Variants in ST6GALNAC5 observed in about 807,000 individuals in gnomAD.
ST6GALNAC5 encodes the protein alpha-N-acetylgalactosaminide alpha-2,6-sialyltransferase 5.
A neutral mutation model predicts 33.6 loss-of-function variants in ST6GALNAC5; 27 were observed. That is an observed-to-expected ratio of 0.80 (90% CI 0.59 to 1.11). The LOEUF (loss-of-function observed/expected upper bound fraction) is 1.11. ST6GALNAC5 is among the 50% of genes least tolerant of loss of function. The pLI is 0.00. For missense variants in ST6GALNAC5, 428 were observed against 454.0 expected, an observed-to-expected ratio of 0.94 and a Z score of 0.52; for synonymous variants, 194 against 171.2, an observed-to-expected ratio of 1.13 and a Z score of -1.04.
chr1:77,061,521 C>T (rs1388350681), intron 4 of ST6GALNAC5, among the ~76,000 whole-genome samples: 1 of 152,156 alleles, frequency 6.6e-6, no homozygotes, highest in African/African-American at 2.4e-5. Flanking sequence ...AAAGTGGGAA[C>T]CCTAGGGCAT....
chr1:76,957,151 T>C (rs933309556), intron 2 of ST6GALNAC5, among the ~76,000 whole-genome samples: 6 of 152,192 alleles, frequency 3.9e-5, no homozygotes, highest in Admixed American at 3.9e-4. Flanking sequence ...TAAAACAATA[T>C]AAATGTATTG....
chr1:76,901,148 T>G (rs1646813962), intron 2 of ST6GALNAC5, among the ~76,000 whole-genome samples: 2 of 152,184 alleles, frequency 1.3e-5, no homozygotes, highest in Admixed American at 6.5e-5. Flanking sequence ...AAACACATAA[T>G]TGGTAAATTT....
intron 2 of ST6GALNAC5, among the ~76,000 whole-genome samples, chr1:76,963,751 A>G (rs1038435535): frequency 6.6e-6 from 1 of 152,198 alleles, no homozygotes. Context: ...GAACCTTTAA[A>G]TGTGTTACCT....
At chr1:76,953,440 TC>T (rs1334699888) in intron 2 of ST6GALNAC5, among the ~76,000 whole-genome samples, 1 of 152,174 alleles carries the variant, frequency 6.6e-6, no homozygotes. Flanking sequence ...ACGTTGGACA[TC>T]TTTTTATGTG....
chr1:76,918,616 CAAAAA>C, intron 2 of ST6GALNAC5, among the ~76,000 whole-genome samples: 1 of 76,588 alleles, frequency 1.3e-5, no homozygotes, highest in South Asian at 5.7e-4. Context: ...GACTCCATCT[CAAAAA>C]AAAAAAAAAA....
intron 2 of ST6GALNAC5, among the ~76,000 whole-genome samples, chr1:76,979,874 T>C (rs1168379989): frequency 6.6e-6 from 1 of 152,060 alleles, no homozygotes; most frequent in African/African-American, 2.4e-5. Flanking sequence ...TCTGGGAAAC[T>C]GAGGTTGCAG....
At chr1:76,966,604 G>A (rs537334399) in intron 2 of ST6GALNAC5, among the ~76,000 whole-genome samples, 24 of 152,272 alleles carry the variant, frequency 1.6e-4, no homozygotes, top group African/African-American at 5.3e-4. Flanking sequence ...TCTCTTGCCT[G>A]ATTGCCCTGG....
intron 2 of ST6GALNAC5, among the ~76,000 whole-genome samples, chr1:76,869,563 C>T (rs749724507): frequency 4.6e-5 from 7 of 152,188 alleles, no homozygotes; most frequent in Admixed American, 1.3e-4. Flanking sequence ...CAATTCCACT[C>T]TCTATCTGCT....
rs1188426945 is a variant in ST6GALNAC5, at chr1:77,066,702, G to T, written c.*3496G>T. Among the ~76,000 whole-genome samples, 12 of 152,138 alleles carry T rather than the reference G, an allele frequency of 7.9e-5. No individual in the cohort carries two copies. The highest frequency in any genetic ancestry group is 8.8e-5 in the Non-Finnish European group (6 of 68,038). On this transcript the variant is annotated 3_prime_UTR_variant, in exon 5 of 5. Coordinates refer to ENST00000477717, the MANE Select transcript of ST6GALNAC5 (RefSeq NM_030965.3). ...GGGTCCATGTTCCTATTCTCTCTCT[G>T]CAGTGTTGGGAGGTGATGTTAACAC...
chr1:76,902,270 A>G (rs915155844), intron 2 of ST6GALNAC5, among the ~76,000 whole-genome samples: 7 of 152,166 alleles, frequency 4.6e-5, no homozygotes, highest in Non-Finnish European at 1.0e-4. Context: ...TGTTTACAAT[A>G]GCATCTAAAA....
rs1414546309 is a variant in ST6GALNAC5, at chr1:76,868,104, C to T, written c.16-393C>T. Among the ~76,000 whole-genome samples, 3 of 152,202 alleles carry T rather than the reference C, an allele frequency of 2.0e-5. No homozygotes were observed. The highest frequency in any genetic ancestry group is 4.4e-5 in the Non-Finnish European group (3 of 68,022). ...CAAACTTGCAAGGATCGCAAGGATC[C>T]AGGGCCCCAGGAAAGGAGGGGTGTG... is the stretch of plus-strand genomic sequence containing the variant. On this transcript the variant is annotated intron_variant, in intron 1 of 4. Coordinates refer to ENST00000477717, the MANE Select transcript of ST6GALNAC5 (RefSeq NM_030965.3). This position sits in a 1 kb window ranked among gnomAD's most constrained non-coding sequence, Gnocchi z 4.3.
intron 2 of ST6GALNAC5, among the ~76,000 whole-genome samples, chr1:77,017,017 C>T (rs1337586635): frequency 2.0e-5 from 3 of 151,838 alleles, no homozygotes; most frequent in African/African-American, 7.3e-5. Context: ...AGTTCGGGTA[C>T]AATCATTGAA....
chr1:76,957,873 G>C (rs1176418986), intron 2 of ST6GALNAC5, among the ~76,000 whole-genome samples: 1 of 151,868 alleles, frequency 6.6e-6, no homozygotes, highest in Non-Finnish European at 1.5e-5. Flanking sequence ...ATTGAATAAA[G>C]GATCAAACAT....
intron 2 of ST6GALNAC5, among the ~76,000 whole-genome samples, chr1:76,959,415 T>C (rs1648140788): frequency 6.6e-6 from 1 of 152,246 alleles, no homozygotes; most frequent in African/African-American, 2.4e-5. Flanking sequence ...TCTGGAATTA[T>C]TCTTTGCTTT....
chr1:76,880,417 TAGTC>T (rs1653751605), intron 2 of ST6GALNAC5, among the ~76,000 whole-genome samples: 1 of 152,174 alleles, frequency 6.6e-6, no homozygotes, highest in African/African-American at 2.4e-5. Flanking sequence ...AAATCTGTAT[TAGTC>T]AGCATTCTCT....
In ST6GALNAC5 at chr1:76,868,788, C is replaced by A; in HGVS notation, c.261+46C>A. 6.9e-7 allele frequency: 1 copy of A among 1,454,170 alleles called. No homozygotes were observed. The highest frequency in any genetic ancestry group is 1.5e-5 in the South Asian group (1 of 68,848). The allele number at this position is 1,454,170 out of a possible 1,614,324, so 90.1% of individuals were successfully genotyped here. A position where few individuals can be genotyped will look rare whatever the true frequency, so the allele number is the denominator to read the frequency against. On this transcript the variant is annotated intron_variant, in intron 2 of 4. Coordinates refer to ENST00000477717, the MANE Select transcript of ST6GALNAC5 (RefSeq NM_030965.3). The surrounding 1 kb of genome is among the most constrained non-coding windows in gnomAD (Gnocchi z 4.3). ...CCGCTCGCCACTCAGCCTGGGGATC[C>A]CGCACACCTGAGCCTTCCCCCTTTC...
intron 2 of ST6GALNAC5, among the ~76,000 whole-genome samples, chr1:76,996,700 T>C (rs1370499751): frequency 6.6e-6 from 1 of 152,178 alleles, no homozygotes; most frequent in African/African-American, 2.4e-5. Flanking sequence ...CTCCTTTCAG[T>C]ATGTACAGTT....
chr1:76,963,782 C>T (rs1251598693), intron 2 of ST6GALNAC5, among the ~76,000 whole-genome samples: 4 of 152,202 alleles, frequency 2.6e-5, no homozygotes, highest in African/African-American at 4.8e-5. Context: ...AATAATTTAC[C>T]ACGACTTACT....
At position 76,904,281 on chromosome 1, in the gene ST6GALNAC5, C is replaced by G. The variant is rs531804819; in HGVS notation, c.261+35539C>G. Among the ~76,000 whole-genome samples the G allele has an allele frequency of 6.6e-5, 10 of 152,144 alleles. No individual in the cohort carries two copies. In the East Asian group the frequency reaches 1.9e-3, roughly 29 times the overall value. On this transcript the variant is annotated intron_variant, in intron 2 of 4. Coordinates refer to ENST00000477717, the MANE Select transcript of ST6GALNAC5 (RefSeq NM_030965.3). ...TTTGCAAAGGAAGGTTATATTAGAG[C>G]TCAGTTGAGAAGAGAAAGGGAAAGG... is the stretch of plus-strand genomic sequence containing the variant.
Sources: allele counts gnomAD v4.1 joint callset (sites outside exome capture counted in the v4.1 genomes callset), GRCh38; gene constraint gnomAD v4.1.1; non-coding constraint Gnocchi (gnomAD v3.1); transcripts MANE v1.5; gene names NCBI Gene and HGNC (gene_info 2026-07-23, HGNC 2026-07-21).